PCDHA8: variants seen among roughly 807,000 people sequenced by gnomAD.
PCDHA8 encodes protocadherin alpha-8.
In PCDHA8, 53 loss-of-function variants were observed where a neutral mutation model predicts 61.8. That is an observed-to-expected ratio of 0.86 (90% CI 0.69 to 1.08). PCDHA8 has a LOEUF of 1.08. Among genes scored for constraint, PCDHA8 ranks in the 50% least tolerant of loss-of-function variants. The pLI, the probability that PCDHA8 is intolerant of heterozygous loss-of-function variation, is 0.00. For missense variants in PCDHA8, 1,293 were observed against 1,245.0 expected, an observed-to-expected ratio of 1.04 and a Z score of -0.58; for synonymous variants, 618 against 556.6, an observed-to-expected ratio of 1.11 and a Z score of -1.55.
At chr5:140,931,539 T>C (rs1339633476) in intron 1 of PCDHA8, among the ~76,000 whole-genome samples, 1 of 152,056 alleles carries the variant, frequency 6.6e-6, no homozygotes, top group Non-Finnish European at 1.5e-5. Context: ...AGAGATATAC[T>C]GTTCATATGT....
At chr5:140,967,768 T>C in intron 1 of PCDHA8, 4 of 1,614,182 alleles carry the variant, frequency 2.5e-6, no homozygotes, top group African/African-American at 1.3e-5. Flanking sequence ...ACCAGATCTA[T>C]GTGCAGGCGA....
chr5:141,001,594 A>AT (rs1216872407), intron 3 of PCDHA8, among the ~76,000 whole-genome samples: 1 of 152,040 alleles, frequency 6.6e-6, no homozygotes, highest in Non-Finnish European at 1.5e-5. Flanking sequence ...GATTACTCAG[A>AT]TTAGGTTTGC....
At chr5:140,967,958 CG>C in intron 1 of PCDHA8, 1 of 1,614,182 alleles carries the variant, frequency 6.2e-7, no homozygotes, top group Non-Finnish European at 8.5e-7. Flanking sequence ...AGGCCCCAAC[CG>C]GAAAGTGAGC....
At chr5:140,849,756 T>C (rs1554143259) in intron 1 of PCDHA8, 2 of 1,598,354 alleles carry the variant, frequency 1.3e-6, no homozygotes, top group Admixed American at 1.7e-5. Flanking sequence ...TGTGTCCGCC[T>C]ACGAGCTGGT....
chr5:140,967,490 C>G (rs1554229615), intron 1 of PCDHA8: 2 of 1,613,210 alleles, frequency 1.2e-6, no homozygotes, highest in East Asian at 2.2e-5. Context: ...GGGTACGGCA[C>G]AGATCTCTGT....
rs782257919 is a variant in PCDHA8, at chr5:140,853,730, T to C, written c.2394+10015T>C. 84 of 988,668 alleles carry C rather than the reference T, an allele frequency of 8.5e-5. 8 individuals carry two copies. Among genetic ancestry groups the C allele is most frequent in the African/African-American group, 5.6e-4 (32 of 56,686 alleles). The allele number at this position is 988,668 out of a possible 1,614,324, so 61.2% of individuals were successfully genotyped here. A position where few individuals can be genotyped will look rare whatever the true frequency, so the allele number is the denominator to read the frequency against. ...AGCATTAGCAGCACCTAAGTCCTCA[T>C]TGAATGTTCTGGTTCAAGGCTCCAC... On this transcript the variant is annotated intron_variant, in intron 1 of 3. Coordinates refer to ENST00000531613, the MANE Select transcript of PCDHA8 (RefSeq NM_018911.3).
chr5:140,888,764 T>A (rs74654123), intron 1 of PCDHA8, among the ~76,000 whole-genome samples: 4 of 152,186 alleles, frequency 2.6e-5, no homozygotes, highest in East Asian at 3.9e-4. Context: ...CTTTTTTTTT[T>A]AATTTTGAAG....
At chr5:140,861,267 A>G (rs1251447795) in intron 1 of PCDHA8, 4 of 174,546 alleles carry the variant, frequency 2.3e-5, no homozygotes, top group African/African-American at 9.5e-5. Context: ...CGGAGCCTAC[A>G]GCACTGGCTT....
At chr5:140,958,400 A>G (rs1236102640) in intron 1 of PCDHA8, among the ~76,000 whole-genome samples, 1 of 152,196 alleles carries the variant, frequency 6.6e-6, no homozygotes, top group African/African-American at 2.4e-5. Context: ...ATCAAACATT[A>G]TCACTGATGC....
chr5:141,002,128 C>T (rs1426506599), intron 3 of PCDHA8, among the ~76,000 whole-genome samples: 1 of 152,244 alleles, frequency 6.6e-6, no homozygotes, highest in African/African-American at 2.4e-5. Context: ...ATTTAATAGC[C>T]TTTGCCGGCT....
intron 1 of PCDHA8, chr5:140,857,730 C>T (rs782671299): frequency 6.3e-7 from 1 of 1,597,474 alleles, no homozygotes. Context: ...AACGACAACG[C>T]TCCCGCGCTG....
At chr5:140,862,902 G>C (rs782710771) in intron 1 of PCDHA8, 1 of 554,284 alleles carries the variant, frequency 1.8e-6, no homozygotes, top group Non-Finnish European at 3.5e-6. Context: ...CTTTGTCTGC[G>C]CTGCTGGCGC....
intron 1 of PCDHA8, among the ~76,000 whole-genome samples, chr5:140,894,192 T>C (rs1554185971): frequency 4.6e-5 from 7 of 152,168 alleles, no homozygotes; most frequent in Non-Finnish European, 1.5e-5. Flanking sequence ...TTATATATTT[T>C]TTCTATGCTA....
At chr5:140,849,677 C>A (rs2150445032) in intron 1 of PCDHA8, 1 of 1,598,728 alleles carries the variant, frequency 6.3e-7, no homozygotes, top group East Asian at 2.2e-5. Flanking sequence ...CCCACGTCCC[C>A]TTCAAGCTGG....
At chr5:140,927,089 TC>T in intron 1 of PCDHA8, 1 of 1,612,460 alleles carries the variant, frequency 6.2e-7, no homozygotes, top group Non-Finnish European at 8.5e-7. Context: ...GAGCTCTACT[TC>T]GGGGTGGATC....
intron 1 of PCDHA8, chr5:140,884,471 G>T (rs2060197778): frequency 1.2e-6 from 2 of 1,613,684 alleles, no homozygotes; most frequent in Admixed American, 3.3e-5. Flanking sequence ...GTGCGCGCCG[G>T]GCAAGCCCAC....
chr5:140,843,023 C>A lies in PCDHA8; in HGVS notation c.1702C>A (p.Pro568Thr), dbSNP rs2150350362. The A allele has an allele frequency of 1.3e-6, 2 of 1,595,030 alleles. No individual in the cohort carries two copies. ...TGACAACGCGCCGGCACTGCTGGAG[C>A]CTCGGGTGGGTGGCACTGGTGGCGC... ...ENDNAPALLE[P>T]RVGGTGGAAS... The change falls in exon 1 of 4, where the codon CCT becomes ACT. Residue 568 changes from proline (P) to threonine (T), a missense_variant. Transcript: ENST00000531613.
intron 1 of PCDHA8, chr5:140,869,782 C>T (rs782296742): frequency 1.6e-5 from 25 of 1,612,752 alleles, no homozygotes; most frequent in East Asian, 2.2e-5. Context: ...TGGCACCGTT[C>T]GGCTGTTAGT....
In PCDHA8 at chr5:141,011,003, C is replaced by T. The variant is rs748731648; in HGVS notation, c.*1066C>T. ...ATTGCCTGAAACATCTGTATTATAT[C>T]GGCCACCTGCCAATCACAGCTTTAC... On this transcript the variant is annotated 3_prime_UTR_variant, in exon 4 of 4. Coordinates refer to ENST00000531613, the MANE Select transcript of PCDHA8 (RefSeq NM_018911.3). 1 of 153,706 alleles carries T rather than the reference C, an allele frequency of 6.5e-6. No individual in the cohort carries two copies. The highest frequency in any genetic ancestry group is 2.1e-4 in the South Asian group (1 of 4,816). 9.5% of individuals were successfully genotyped at this position (153,706 alleles called of 1,614,324 possible).
Sources: allele counts gnomAD v4.1 joint callset (sites outside exome capture counted in the v4.1 genomes callset), GRCh38; gene constraint gnomAD v4.1.1; transcripts MANE v1.5; gene names NCBI Gene and HGNC (gene_info 2026-07-23, HGNC 2026-07-21).